Variants in SLC26A7 observed in about 807,000 individuals in gnomAD.
The protein encoded by SLC26A7 is solute carrier family 26 member 7.
SLC26A7 carries 59 observed loss-of-function variants against 82.5 expected under a neutral mutation model. The ratio of observed to expected loss-of-function variants is 0.72; its 90% CI spans 0.58 to 0.89. The LOEUF is 0.89. Among genes scored for constraint, SLC26A7 ranks in the 40% least tolerant of loss-of-function variants. SLC26A7 has a pLI of 0.00. For missense variants in SLC26A7, 820 were observed against 793.0 expected (o/e 1.03, Z -0.41); for synonymous variants, 271 against 274.3 (o/e 0.99, Z 0.12).
chr8:91,302,106 C>A (rs1470166891), intron 4 of SLC26A7, among the ~76,000 whole-genome samples: 2 of 152,004 alleles, frequency 1.3e-5, no homozygotes, highest in Admixed American at 6.5e-5. Flanking sequence ...CTAACATTTT[C>A]CTTCTAACCT....
At chr8:91,351,729 A>T (rs1813720562) in intron 9 of SLC26A7, 81 bp from the exon 10 acceptor site, 5 of 842,006 alleles carry the variant, frequency 5.9e-6, no homozygotes, top group Non-Finnish European at 1.0e-5. Context: ...ACTAAGAATT[A>T]TCCCCCCCAC....
At chr8:91,340,368 A>G (rs781144070) in intron 7 of SLC26A7, 36 bp from the exon 8 acceptor site, 2 of 1,601,042 alleles carry the variant, frequency 1.2e-6, no homozygotes, top group Non-Finnish European at 1.7e-6. Flanking sequence ...AATTACATGA[A>G]GTTTGATGAC....
chr8:91,354,232 G>A (rs1183917932), intron 11 of SLC26A7, among the ~76,000 whole-genome samples: 1 of 152,120 alleles, frequency 6.6e-6, no homozygotes, highest in Non-Finnish European at 1.5e-5. Context: ...TCATATAGGA[G>A]GCAGCATGTT....
intron 9 of SLC26A7, chr8:91,348,306 A>G: frequency 1.0e-6 from 1 of 985,152 alleles, no homozygotes; most frequent in Non-Finnish European, 1.2e-6. Context: ...AAGACTGCAC[A>G]TGCAGTGAGT....
chr8:91,234,825 C>CTTCCTTCCT (rs1267737133), intron 2 of SLC26A7, among the ~76,000 whole-genome samples: 33 of 86,526 alleles, frequency 3.8e-4, no homozygotes, highest in African/African-American at 1.4e-3. Flanking sequence ...ACCTACCTAC[C>CTTCCTTCCT]TACTTCCTTC....
At chr8:91,222,313 A>G (rs1810172242) in intron 2 of SLC26A7, among the ~76,000 whole-genome samples, 1 of 152,172 alleles carries the variant, frequency 6.6e-6, no homozygotes, top group South Asian at 2.1e-4. Flanking sequence ...TCTTCTGCAA[A>G]CAGAAACAAC....
chr8:91,256,961 G>C (rs1277007661), intron 2 of SLC26A7, among the ~76,000 whole-genome samples: 1 of 152,092 alleles, frequency 6.6e-6, no homozygotes, highest in Admixed American at 6.6e-5. Context: ...CTGTTGCCCA[G>C]CTTGCTTCTA....
intron 5 of SLC26A7, among the ~76,000 whole-genome samples, chr8:91,332,158 T>TAC (rs1377774914): frequency 8.2e-5 from 12 of 146,796 alleles, no homozygotes; most frequent in East Asian, 2.0e-4. Flanking sequence ...TATATATATA[T>TAC]ACACACACAT....
intron 2 of SLC26A7, among the ~76,000 whole-genome samples, chr8:91,259,586 C>T (rs1038487298): frequency 6.6e-6 from 1 of 152,114 alleles, no homozygotes; most frequent in Non-Finnish European, 1.5e-5. Context: ...TTTCCAGCCA[C>T]ACCTTTTTTA....
At chr8:91,253,583 A>G (rs1333705923) in intron 2 of SLC26A7, among the ~76,000 whole-genome samples, 1 of 152,064 alleles carries the variant, frequency 6.6e-6, no homozygotes, top group Non-Finnish European at 1.5e-5. Context: ...TCTAGAGTAA[A>G]AGTCCATTTC....
intron 2 of SLC26A7, among the ~76,000 whole-genome samples, chr8:91,234,803 A>ACCTT (rs1810364741): frequency 1.6e-5 from 2 of 124,098 alleles, no homozygotes; most frequent in Admixed American, 1.6e-4. Flanking sequence ...CTACCTACCT[A>ACCTT]CCTACCTACC....
At chr8:91,382,495 G>T (rs904505184) in intron 15 of SLC26A7, among the ~76,000 whole-genome samples, 3 of 152,038 alleles carry the variant, frequency 2.0e-5, no homozygotes, top group East Asian at 3.9e-4. Flanking sequence ...GTTTAATAGA[G>T]AAGTAAAATA....
intron 8 of SLC26A7, 75 bp downstream of exon 8, chr8:91,340,626 G>T: frequency 6.4e-7 from 1 of 1,572,198 alleles, no homozygotes; most frequent in Non-Finnish European, 8.7e-7. Context: ...TAAAAATGAT[G>T]AACTTATGAA....
chr8:91,299,420 A>AT (rs55919775), intron 4 of SLC26A7, among the ~76,000 whole-genome samples: 1 of 150,294 alleles, frequency 6.7e-6, no homozygotes, highest in Admixed American at 6.6e-5. Context: ...TCCATGATTT[A>AT]TTTTTTTTCT....
At chr8:91,294,358 T>G (rs1250419356) in intron 3 of SLC26A7, among the ~76,000 whole-genome samples, 1 of 152,102 alleles carries the variant, frequency 6.6e-6, no homozygotes, top group African/African-American at 2.4e-5. Context: ...TAGGCCAGGT[T>G]TTTTGGAGGC....
intron 1 of SLC26A7, among the ~76,000 whole-genome samples, chr8:91,211,619 T>TTA (rs1554597827): frequency 0.019 from 2,810 of 144,692 alleles, 39 homozygotes; most frequent in Non-Finnish European, 0.03. Flanking sequence ...TATATATATT[T>TTA]TTTTTTTATT....
chr8:91,213,627 C>G (rs1809977919), intron 1 of SLC26A7, among the ~76,000 whole-genome samples: 1 of 152,058 alleles, frequency 6.6e-6, no homozygotes, highest in African/African-American at 2.4e-5. Context: ...GCAATAAAAT[C>G]TAGATATTAA....
chr8:91,313,818 A>G (rs993023744), intron 4 of SLC26A7, among the ~76,000 whole-genome samples: 9 of 152,342 alleles, frequency 5.9e-5, no homozygotes, highest in African/African-American at 1.9e-4. Context: ...GGTATAATGT[A>G]AAAGCCAGAT....
intron 5 of SLC26A7, among the ~76,000 whole-genome samples, chr8:91,332,491 TACACACACACACACACACAC>T (rs34306717): frequency 6.4e-5 from 8 of 125,222 alleles, no homozygotes; most frequent in African/African-American, 1.2e-4. Flanking sequence ...ATATATTTAA[TACACACACACACACACACAC>T]ACACACACAC....
Sources: gnomAD v4.1 joint callset for allele counts (sites outside exome capture counted in the v4.1 genomes callset) on GRCh38, gnomAD v4.1.1 for gene constraint, MANE v1.5 for transcripts, NCBI Gene and HGNC (gene_info 2026-07-23, HGNC 2026-07-21) for gene names.